VWA8: variants seen among roughly 807,000 people sequenced by gnomAD.
The protein encoded by VWA8 is von Willebrand factor A domain containing 8, also known as von Willebrand factor A domain-containing protein 8.
VWA8 carries 221 observed loss-of-function variants against 241.5 expected under a neutral mutation model. That is an observed-to-expected ratio of 0.91 (90% CI 0.82 to 1.02). The LOEUF (loss-of-function observed/expected upper bound fraction) is 1.02, where lower values mean the gene tolerates loss of function less well. VWA8 is among the 50% of genes least tolerant of loss of function. VWA8 has a pLI of 0.00. For missense variants in VWA8, 2,322 were observed against 2,328.7 expected, an observed-to-expected ratio of 1.00 and a Z score of 0.06; for synonymous variants, 852 against 827.1, an observed-to-expected ratio of 1.03 and a Z score of -0.52.
chr13:41,833,476 G>A lies in VWA8; in HGVS notation c.1481C>T (p.Thr494Ile). ...CACAAGGGGTGAGGACCGCCAGGCAGTGTCTCCATTTGGAAGGGTGTATCT... is the reference window on the plus strand; with the variant it reads ...CACAAGGGGTGAGGACCGCCAGGCAATGTCTCCATTTGGAAGGGTGTATCT... The part of the protein sequence containing the change: ...QQRYTLPNGD[T>I]AWRSSPLVNA... Residue 494 changes from threonine to isoleucine, a missense_variant, in exon 13 of 45, where the codon ACT (threonine) becomes ATT (isoleucine). By Grantham distance (89) the Thr-to-Ile change is moderately conservative (BLOSUM62 -1). Coordinates refer to ENST00000379310, the MANE Select transcript of VWA8 (RefSeq NM_015058.2). 2 of 1,613,978 alleles carry A rather than the reference G, an allele frequency of 1.2e-6. No homozygotes were observed. The highest frequency in any genetic ancestry group is 1.7e-6 in the Non-Finnish European group (2 of 1,179,948).
At chr13:41,949,350 T>C (rs1407314961) in intron 2 of VWA8, among the ~76,000 whole-genome samples, 1 of 152,034 alleles carries the variant, frequency 6.6e-6, no homozygotes, top group Non-Finnish European at 1.5e-5. Context: ...CTGGAAACCA[T>C]CATTCTCAGA....
At position 41,691,928 on chromosome 13, in the gene VWA8, TTA is replaced by T. The variant is rs1279164904; in HGVS notation, c.3684_3685del (p.Tyr1228Ter). 6.2e-7 allele frequency: 1 copy of T among 1,608,374 alleles called. No homozygotes were observed. Among genetic ancestry groups the T allele is most frequent in the South Asian group, 1.1e-5 (1 of 90,808 alleles). ...TTTGTGTGAAAATTCTTTACACATT[TTA>T]TAAGTTTCCTAAAGACAAACAAAAC... On this transcript the variant is annotated stop_gained and frameshift_variant, in exon 31 of 45. Transcript: ENST00000379310. LOFTEE classifies it high-confidence loss of function.
At chr13:41,573,400 G>T (rs892582521) in intron 43 of VWA8, among the ~76,000 whole-genome samples, 3 of 145,948 alleles carry the variant, frequency 2.1e-5, no homozygotes, top group African/African-American at 7.6e-5. Flanking sequence ...CCTGAGCAAC[G>T]GAGCAAGACT....
At position 41,867,893 on chromosome 13, in the gene VWA8, T is replaced by A. The variant is rs183775211; in HGVS notation, c.1212+453A>T. Among the ~76,000 whole-genome samples the A allele has an allele frequency of 3.6e-4, 55 of 152,240 alleles. No individual in the cohort carries two copies. In the East Asian group the frequency reaches 0.01, roughly 29 times the overall value. ...TATAGATATATATAGAAGGAGCTGA[T>A]ATATATATAACATATATACATGCAG... On this transcript the variant is annotated intron_variant, in intron 10 of 44. Transcript: ENST00000379310.
intron 9 of VWA8, among the ~76,000 whole-genome samples, chr13:41,872,666 A>G (rs557411171): frequency 2.2e-3 from 336 of 152,130 alleles, no homozygotes; most frequent in African/African-American, 7.7e-3. Flanking sequence ...ATTGATCTAT[A>G]TCTCTGTTTT....
At chr13:41,724,086 A>G (rs1489597106) in intron 24 of VWA8, among the ~76,000 whole-genome samples, 1 of 152,198 alleles carries the variant, frequency 6.6e-6, no homozygotes, top group Non-Finnish European at 1.5e-5. Flanking sequence ...TGTATCAACT[A>G]TATACTATAT....
At chr13:41,813,932 T>C (rs919840881) in intron 16 of VWA8, among the ~76,000 whole-genome samples, 2 of 152,138 alleles carry the variant, frequency 1.3e-5, no homozygotes, top group Admixed American at 6.6e-5. Flanking sequence ...CTAGTTACCA[T>C]GGTTATACAG....
intron 21 of VWA8, among the ~76,000 whole-genome samples, chr13:41,740,917 C>T (rs10129066): frequency 0.03 from 4,638 of 152,212 alleles, 106 homozygotes; most frequent in Admixed American, 0.07. Flanking sequence ...TAGAAAAAAA[C>T]AGGCATGTTT....
chr13:41,913,415 A>G (rs1876104496), intron 2 of VWA8, among the ~76,000 whole-genome samples: 1 of 152,168 alleles, frequency 6.6e-6, no homozygotes, highest in Non-Finnish European at 1.5e-5. Flanking sequence ...ACAGACACAG[A>G]CATCTGTATT....
At chr13:41,580,944 C>T (rs1018134341) in intron 42 of VWA8, among the ~76,000 whole-genome samples, 35 of 152,090 alleles carry the variant, frequency 2.3e-4, no homozygotes, top group Non-Finnish European at 3.2e-4. Context: ...ACACCTAATG[C>T]CTTGTTTTCT....
chr13:41,745,674 G>A (rs1566439079), intron 21 of VWA8, among the ~76,000 whole-genome samples: 2 of 152,184 alleles, frequency 1.3e-5, no homozygotes, highest in African/African-American at 4.8e-5. Context: ...TCTCTCACCA[G>A]TTAGAATGAC....
chr13:41,875,022 C>A (rs181727472), intron 9 of VWA8, among the ~76,000 whole-genome samples: 30 of 152,240 alleles, frequency 2.0e-4, no homozygotes, highest in Admixed American at 1.6e-3. Flanking sequence ...CTATTTGGCT[C>A]ACTCCAAATT....
At chr13:41,688,028 G>A (rs993352740) in intron 34 of VWA8, among the ~76,000 whole-genome samples, 1 of 151,964 alleles carries the variant, frequency 6.6e-6, no homozygotes, top group Non-Finnish European at 1.5e-5. Context: ...TCCAGAAAAA[G>A]TCCCAATTTT....
At chr13:41,881,704 ACGGGGCGGC>A (rs1224199301) in intron 9 of VWA8, among the ~76,000 whole-genome samples, 4 of 145,402 alleles carry the variant, frequency 2.8e-5, no homozygotes, top group Admixed American at 6.8e-5. Flanking sequence ...CACCTCCCGG[ACGGGGCGGC>A]TGGCCGGGCT....
intron 9 of VWA8, among the ~76,000 whole-genome samples, chr13:41,870,741 T>C (rs1873560645): frequency 6.6e-6 from 1 of 151,970 alleles, no homozygotes; most frequent in African/African-American, 2.4e-5. Context: ...TAGAGTAGTG[T>C]CAATCTAACT....
At chr13:41,764,445 C>T (rs2045764855) in intron 20 of VWA8, among the ~76,000 whole-genome samples, 1 of 152,150 alleles carries the variant, frequency 6.6e-6, no homozygotes, top group African/African-American at 2.4e-5. Context: ...GAAACAGCTA[C>T]AGCCTCTCAC....
At position 41,866,028 on chromosome 13, in the gene VWA8, G is replaced by T. The variant is rs373089896; in HGVS notation, c.1221C>A (p.Ala407=). ...AAGGTTGACTTAATAGCCTGGTCCC[G>T]GCTGGCACCTATAATTAAAGAGAGG... ...ADKEVTIKVP[A]GTRLLSQPCA... The change falls in exon 11 of 45, where the codon GCC becomes GCA. Residue 407 remains alanine (A), a synonymous_variant. Coordinates refer to ENST00000379310, the MANE Select transcript of VWA8 (RefSeq NM_015058.2). 3 of 1,613,892 alleles carry T rather than the reference G, an allele frequency of 1.9e-6. No individual in the cohort carries two copies. Among genetic ancestry groups the T allele is most frequent in the Non-Finnish European group, 2.5e-6 (3 of 1,179,848 alleles).
intron 43 of VWA8, among the ~76,000 whole-genome samples, chr13:41,575,417 A>C (rs2044344263): frequency 6.6e-6 from 1 of 152,158 alleles, no homozygotes; most frequent in Non-Finnish European, 1.5e-5. Flanking sequence ...GAAATAAAAA[A>C]ATTTTAAAAG....
intron 35 of VWA8, among the ~76,000 whole-genome samples, chr13:41,678,610 A>G (rs2045076604): frequency 6.6e-6 from 1 of 152,250 alleles, no homozygotes; most frequent in African/African-American, 2.4e-5. Context: ...AAGGAATAGT[A>G]TTAAGTTGAG....
Sources: allele counts gnomAD v4.1 joint callset (sites outside exome capture counted in the v4.1 genomes callset), GRCh38; gene constraint gnomAD v4.1.1; transcripts MANE v1.5; gene names NCBI Gene and HGNC (gene_info 2026-07-23, HGNC 2026-07-21).